GUCY2C: variants seen among roughly 807,000 people sequenced by gnomAD.
The protein encoded by GUCY2C is guanylate cyclase 2C, also known as guanylyl cyclase C.
Under a neutral mutation model 131.1 loss-of-function variants are expected in GUCY2C, and 118 were observed. The ratio of observed to expected loss-of-function variants is 0.90; its 90% CI spans 0.78 to 1.05. The LOEUF is 1.05. GUCY2C is among the 50% of genes least tolerant of loss of function. The pLI is 0.00. For missense variants in GUCY2C, 1,161 were observed against 1,304.4 expected (o/e 0.89, Z 1.69); for synonymous variants, 452 against 457.8 (o/e 0.99, Z 0.16).
At chr12:14,668,391 G>A (rs545381286) in intron 10 of GUCY2C, among the ~76,000 whole-genome samples, 5 of 152,158 alleles carry the variant, frequency 3.3e-5, no homozygotes, top group African/African-American at 4.8e-5. Context: ...GGCTGGTCTC[G>A]AACTGCTGAC....
At chr12:14,677,048 A>G in intron 6 of GUCY2C, 77 bp from the exon 7 acceptor site, 1 of 474,126 alleles carries the variant, frequency 2.1e-6, no homozygotes, top group Non-Finnish European at 3.9e-6. Flanking sequence ...CACAAACTAT[A>G]CCATCATCAT....
rs551844000 is a variant in GUCY2C, at chr12:14,614,650, T to C, written c.3047+217A>G. 27 of 488,066 alleles carry C rather than the reference T, an allele frequency of 5.5e-5. 1 individual carries two copies. The South Asian group carries it at 7.3e-4, about 13-fold the overall frequency. The allele number at this position is 488,066 out of a possible 1,614,324, so 30.2% of individuals were successfully genotyped here. A position where few individuals can be genotyped will look rare whatever the true frequency, so the allele number is the denominator to read the frequency against. On this transcript the variant is annotated intron_variant, in intron 26 of 26. Transcript: ENST00000261170. ...GACAGGGAAGCCAAGGCTAAATACT[T>C]TTCTGTTTCATTGAGGTCTCAGGAA...
At chr12:14,672,626 T>C (rs1948138534) in intron 9 of GUCY2C, among the ~76,000 whole-genome samples, 1 of 152,222 alleles carries the variant, frequency 6.6e-6, no homozygotes, top group Non-Finnish European at 1.5e-5. Flanking sequence ...CCTATCTATA[T>C]GGATATTGAT....
At chr12:14,677,734 C>CTGT (rs1948266932) in intron 6 of GUCY2C, among the ~76,000 whole-genome samples, 1 of 30,624 alleles carries the variant, frequency 3.3e-5, no homozygotes, top group Non-Finnish European at 6.6e-5. Flanking sequence ...CCACGCCCAG[C>CTGT]TATTTTTTTT....
intron 10 of GUCY2C, among the ~76,000 whole-genome samples, chr12:14,666,829 C>T (rs1301960936): frequency 1.3e-5 from 2 of 151,918 alleles, no homozygotes; most frequent in African/African-American, 4.8e-5. Context: ...CTTTTTAACT[C>T]CTATATTATT....
chr12:14,640,223 G>T (rs1215315132), intron 18 of GUCY2C, among the ~76,000 whole-genome samples: 1 of 152,118 alleles, frequency 6.6e-6, no homozygotes, highest in Non-Finnish European at 1.5e-5. Flanking sequence ...AGCACTTCGG[G>T]AGGCTGAGGT....
Position 14,696,233 on chromosome 12 carries a change from A to C in GUCY2C, c.216T>G (p.Ala72=). ...AAGATTCTATTAACATTTTCTTACC[A>C]GCATTTTGCAGACGTCCTCTCACTA... is the stretch of plus-strand genomic sequence containing the variant. ...LEIVRGRLQN[A]GLNVTVNATF... Residue 72 remains alanine (A), a splice_region_variant and synonymous_variant, in exon 1 of 27, where the codon GCT becomes GCG. Coordinates refer to ENST00000261170, the MANE Select transcript of GUCY2C (RefSeq NM_004963.4). 1 of 1,611,116 alleles carries C rather than the reference A, an allele frequency of 6.2e-7. No homozygotes were observed. Among genetic ancestry groups the C allele is most frequent in the Non-Finnish European group, 8.5e-7 (1 of 1,177,224 alleles).
At position 14,645,039 on chromosome 12, in the gene GUCY2C, T is replaced by G. The variant is rs56059048; in HGVS notation, c.1797+190A>C. ...TAGATATATATTGAACATGTACTTG[T>G]ACCTGGTCTTGTTATAAGCACGTGC... On this transcript the variant is annotated intron_variant, in intron 16 of 26. Transcript: ENST00000261170. Among the ~76,000 whole-genome samples, 1,499 of 152,288 alleles carry G rather than the reference T, an allele frequency of 9.8e-3. 20 individuals carry two copies. The highest frequency in any genetic ancestry group is 0.027 in the Middle Eastern group (8 of 292).
chr12:14,688,334 G>A (rs1341564679), intron 1 of GUCY2C, among the ~76,000 whole-genome samples: 2 of 151,892 alleles, frequency 1.3e-5, no homozygotes, highest in African/African-American at 2.4e-5. Flanking sequence ...TTGAGTTTAC[G>A]ATTCAATGAC....
chr12:14,677,515 C>CT (rs1300785859), intron 6 of GUCY2C, among the ~76,000 whole-genome samples: 2 of 152,102 alleles, frequency 1.3e-5, no homozygotes, highest in African/African-American at 4.8e-5. Flanking sequence ...TCAGTACTGT[C>CT]TAAGATTGCT....
In GUCY2C at chr12:14,628,448, A is replaced by C. The variant is rs140961569; in HGVS notation, c.2249+198T>G. ...AGAAAAGTTTTGACCTTGAGTATGT[A>C]ACTTTTCAAGTGATTATTTCCCTGG... is the stretch of plus-strand genomic sequence containing the variant. On this transcript the variant is annotated intron_variant, in intron 20 of 26. Transcript: ENST00000261170. 4.8e-3 allele frequency among the ~76,000 whole-genome samples: 724 copies of C among 152,312 alleles called. 7 individuals carry two copies. The highest frequency in any genetic ancestry group is 0.017 in the African/African-American group (687 of 41,572).
chr12:14,669,893 G>T, intron 9 of GUCY2C, 60 bp from the exon 10 acceptor site: 2 of 675,454 alleles, frequency 3.0e-6, no homozygotes, highest in Non-Finnish European at 5.1e-6. Flanking sequence ...AACAAATTAT[G>T]GTGAGATTAA....
chr12:14,679,667 C>A lies in GUCY2C; in HGVS notation c.820G>T (p.Asp274Tyr). The change falls in exon 6 of 27, where the codon GAT (aspartate) becomes TAT (tyrosine). Residue 274 changes from aspartate (D) to tyrosine (Y), a missense_variant. By Grantham distance (160) the Asp-to-Tyr change is radical. Transcript: ENST00000261170. ...AAATGTTATACCTACTTGAAAAGAT[C>A]CACTAGAATAATGACAATGTCTTCA... ...VAEDIVIILV[D>Y]LFNDQYFEDN... The A allele has an allele frequency of 6.5e-7, 1 of 1,531,114 alleles. No homozygotes were observed. Among genetic ancestry groups the A allele is most frequent in the Non-Finnish European group, 9.1e-7 (1 of 1,104,322 alleles). The allele number at this position is 1,531,114 out of a possible 1,614,324, so 94.8% of individuals were successfully genotyped here.
At chr12:14,663,422 C>G (rs1287320758) in intron 10 of GUCY2C, among the ~76,000 whole-genome samples, 1 of 152,150 alleles carries the variant, frequency 6.6e-6, no homozygotes, top group Non-Finnish European at 1.5e-5. Context: ...TCTGGGATTA[C>G]AGGCGCACGC....
At chr12:14,674,331 T>C (rs1948180635) in intron 8 of GUCY2C, 2 of 411,938 alleles carry the variant, frequency 4.9e-6, no homozygotes, top group East Asian at 9.9e-5. Context: ...CCAAGCACAG[T>C]CAGGACATTA....
At chr12:14,666,472 T>C (rs1947981948) in intron 10 of GUCY2C, among the ~76,000 whole-genome samples, 2 of 152,160 alleles carry the variant, frequency 1.3e-5, no homozygotes, top group African/African-American at 4.8e-5. Context: ...CCGTGGCTCA[T>C]GCCTGTAATC....
At chr12:14,619,049 A>G in intron 24 of GUCY2C, 162 bp downstream of exon 24, 1 of 551,130 alleles carries the variant, frequency 1.8e-6, no homozygotes, top group Non-Finnish European at 3.2e-6. Context: ...AAGCAAATGT[A>G]GCAAAAGGTG....
At chr12:14,639,128 T>G (rs899505206) in intron 19 of GUCY2C, among the ~76,000 whole-genome samples, 5 of 151,918 alleles carry the variant, frequency 3.3e-5, no homozygotes, top group African/African-American at 7.3e-5. Context: ...TGAAACCCCA[T>G]CTCTACTAAA....
rs1247748511 is a variant in GUCY2C, at chr12:14,643,705, C to T, written c.1799G>A (p.Gly600Glu). 6.2e-7 allele frequency: 1 copy of T among 1,610,086 alleles called. No homozygotes were observed. The highest frequency in any genetic ancestry group is 8.5e-7 in the Non-Finnish European group (1 of 1,178,308). ...KISVLYDIAKGMSYLHSSKTE... is the reference protein window; with the variant it reads ...KISVLYDIAKEMSYLHSSKTE... ...CTTACTGGAGTGCAGATATGACATT[C>T]CCTGTAATTTTTTAGATGATAGAAA... Residue 600 changes from glycine to glutamate, a missense_variant and splice_region_variant, in exon 17 of 27, where the codon GGA becomes GAA. By Grantham distance (98) the Gly-to-Glu change is moderately conservative. Coordinates refer to ENST00000261170, the MANE Select transcript of GUCY2C (RefSeq NM_004963.4).
Sources: allele counts gnomAD v4.1 joint callset (sites outside exome capture counted in the v4.1 genomes callset), GRCh38; gene constraint gnomAD v4.1.1; transcripts MANE v1.5; gene names NCBI Gene and HGNC (gene_info 2026-07-23, HGNC 2026-07-21).